The following GRM7 variants were observed in gnomAD, a reference collection of about 807,000 sequenced individuals.
GRM7 encodes glutamate metabotropic receptor 7, also known as metabotropic glutamate receptor 7.
GRM7 carries 35 observed loss-of-function variants against 84.5 expected under a neutral mutation model. The ratio of observed to expected loss-of-function variants is 0.41; its 90% CI spans 0.32 to 0.55. GRM7 has a LOEUF of 0.55. Among genes scored for constraint, GRM7 ranks in the 20% least tolerant of loss-of-function variants. The pLI is 0.19. For synonymous variants in GRM7, 487 were observed against 455.1 expected (o/e 1.07, Z -0.89); for missense variants, 1,003 against 1,194.6 (o/e 0.84, Z 2.36).
intron 1 of GRM7, among the ~76,000 whole-genome samples, chr3:6,987,155 C>A (rs974577407): frequency 6.6e-6 from 1 of 152,082 alleles, no homozygotes; most frequent in African/African-American, 2.4e-5. Flanking sequence ...TTTCTTCTAG[C>A]CTTCTGTGGT....
At chr3:6,920,863 G>T (rs935893066) in intron 1 of GRM7, among the ~76,000 whole-genome samples, 13 of 152,114 alleles carry the variant, frequency 8.5e-5, no homozygotes, top group South Asian at 6.2e-4. Flanking sequence ...ACTGGACCCA[G>T]ACATGCTCTT....
intron 1 of GRM7, among the ~76,000 whole-genome samples, chr3:6,952,972 G>C (rs1368870365): frequency 6.6e-6 from 1 of 152,192 alleles, no homozygotes; most frequent in Non-Finnish European, 1.5e-5. Flanking sequence ...TACAACAACT[G>C]TTCTTAATGA....
At chr3:6,961,525 T>C (rs1023780537) in intron 1 of GRM7, among the ~76,000 whole-genome samples, 1 of 152,102 alleles carries the variant, frequency 6.6e-6, no homozygotes, top group Non-Finnish European at 1.5e-5. Flanking sequence ...CCATGGACCT[T>C]TACACCAACC....
chr3:7,276,973 G>A (rs141939289), intron 2 of GRM7, among the ~76,000 whole-genome samples: 1 of 152,062 alleles, frequency 6.6e-6, no homozygotes, highest in East Asian at 1.9e-4. Context: ...TTGAGGGTTG[G>A]TTGGTTGTTT....
chr3:7,256,658 C>A (rs7626293), intron 2 of GRM7, among the ~76,000 whole-genome samples: 131,376 of 152,070 alleles, frequency 0.86, 56,846 homozygotes, highest in East Asian at 0.97. Flanking sequence ...CACACACACA[C>A]AAAAAATGAG....
chr3:7,246,465 C>T (rs1697764691), intron 2 of GRM7, among the ~76,000 whole-genome samples: 1 of 152,132 alleles, frequency 6.6e-6, no homozygotes, highest in African/African-American at 2.4e-5. Flanking sequence ...ACCTCATATT[C>T]ACAATGGGGA....
chr3:7,549,987 C>G (rs531976615), intron 7 of GRM7, among the ~76,000 whole-genome samples: 3 of 152,170 alleles, frequency 2.0e-5, no homozygotes, highest in Non-Finnish European at 4.4e-5. Context: ...ATATATCCTT[C>G]CAGTTTCTTT....
intron 8 of GRM7, among the ~76,000 whole-genome samples, chr3:7,646,427 G>A (rs1698642081): frequency 6.6e-6 from 1 of 151,584 alleles, no homozygotes; most frequent in African/African-American, 2.4e-5. Flanking sequence ...CTCCTGACCT[G>A]ATGATCCACC....
chr3:6,924,407 G>C (rs1697229140), intron 1 of GRM7, among the ~76,000 whole-genome samples: 1 of 152,152 alleles, frequency 6.6e-6, no homozygotes, highest in Admixed American at 6.5e-5. Context: ...TATAGATGGA[G>C]AATCTCTTGG....
intron 1 of GRM7, among the ~76,000 whole-genome samples, chr3:7,114,003 A>C (rs1020278129): frequency 5.3e-5 from 8 of 152,172 alleles, no homozygotes; most frequent in African/African-American, 1.9e-4. Context: ...ACAGATATTT[A>C]TCTGATTTCA....
chr3:7,675,258 AGT>A (rs2125135883), intron 8 of GRM7, among the ~76,000 whole-genome samples: 1 of 152,334 alleles, frequency 6.6e-6, no homozygotes, highest in South Asian at 2.1e-4. Context: ...GTTTTTGAAC[AGT>A]ACTGAGAATA....
intron 1 of GRM7, among the ~76,000 whole-genome samples, chr3:7,099,928 A>ATG (rs1699050857): frequency 6.8e-6 from 1 of 147,450 alleles, no homozygotes; most frequent in Non-Finnish European, 1.5e-5. Context: ...AATATATTAT[A>ATG]TATATTATGA....
intron 1 of GRM7, among the ~76,000 whole-genome samples, chr3:7,048,212 C>G (rs550661330): frequency 5.5e-4 from 83 of 152,060 alleles, no homozygotes; most frequent in African/African-American, 1.8e-3. Context: ...TTTTCTTTCT[C>G]CTTATCCAAG....
At chr3:7,291,525 T>G (rs896413813) in intron 2 of GRM7, among the ~76,000 whole-genome samples, 10 of 137,534 alleles carry the variant, frequency 7.3e-5, no homozygotes, top group Non-Finnish European at 3.0e-5. Context: ...TCTCTCTCTC[T>G]CTCTCTCTCT....
chr3:7,024,870 T>C (rs1210225305), intron 1 of GRM7, among the ~76,000 whole-genome samples: 3 of 152,242 alleles, frequency 2.0e-5, no homozygotes, highest in Non-Finnish European at 2.9e-5. Flanking sequence ...TCTATGACTG[T>C]TGTAAGAAAT....
intron 4 of GRM7, among the ~76,000 whole-genome samples, chr3:7,334,062 T>G (rs113986559): frequency 2.6e-4 from 40 of 152,262 alleles, no homozygotes; most frequent in African/African-American, 9.1e-4. Flanking sequence ...AAAACTTCCT[T>G]GGTCTTGCTA....
At chr3:7,090,389 C>T (rs1210094647) in intron 1 of GRM7, among the ~76,000 whole-genome samples, 1 of 151,970 alleles carries the variant, frequency 6.6e-6, no homozygotes, top group African/African-American at 2.4e-5. Context: ...GAATAAGTGA[C>T]ACTGAGAATG....
chr3:6,902,881 A>C lies in GRM7; in HGVS notation c.519+40974A>C, dbSNP rs866992195. On this transcript the variant is annotated intron_variant, in intron 1 of 9. Transcript: ENST00000357716. ...CACACACACACACACACACACACACACCCCTACTCTAGAGAATGGAATTTT... is the reference window on the plus strand; with the variant it reads ...CACACACACACACACACACACACACCCCCCTACTCTAGAGAATGGAATTTT... Among the ~76,000 whole-genome samples the C allele has an allele frequency of 1.9e-3, 279 of 143,818 alleles. 1 individual carries two copies. The highest frequency in any genetic ancestry group is 6.9e-3 in the African/African-American group (266 of 38,508). 94.4% of individuals were successfully genotyped at this position (143,818 alleles called of 152,430 possible).
At chr3:6,965,138 C>A (rs1382703329) in intron 1 of GRM7, among the ~76,000 whole-genome samples, 1 of 151,916 alleles carries the variant, frequency 6.6e-6, no homozygotes, top group African/African-American at 2.4e-5. Flanking sequence ...GCAAAAAGAC[C>A]CTAGGTGGGA....
Sources: gnomAD v4.1 joint callset for allele counts (sites outside exome capture counted in the v4.1 genomes callset) on GRCh38, gnomAD v4.1.1 for gene constraint, MANE v1.5 for transcripts, NCBI Gene and HGNC (gene_info 2026-07-23, HGNC 2026-07-21) for gene names.